The following DARS2 variants were observed in gnomAD, a reference collection of about 807,000 sequenced individuals.
DARS2 encodes aspartate--tRNA ligase, mitochondrial.
Under a neutral mutation model 83.0 loss-of-function variants are expected in DARS2, and 63 were observed. That is an observed-to-expected ratio of 0.76 (90% CI 0.62 to 0.94). The LOEUF (loss-of-function observed/expected upper bound fraction) is 0.94. Among genes scored for constraint, DARS2 ranks in the 40% least tolerant of loss-of-function variants. DARS2 has a pLI of 0.00. For missense variants in DARS2, 675 were observed against 774.4 expected (o/e 0.87, Z 1.52); for synonymous variants, 250 against 269.3 (o/e 0.93, Z 0.70).
intron 10 of DARS2, among the ~76,000 whole-genome samples, chr1:173,840,544 C>T (rs893196101): frequency 1.3e-5 from 2 of 152,164 alleles, no homozygotes; most frequent in Non-Finnish European, 2.9e-5. Context: ...GAATCTTAAT[C>T]TGGTTCTTAA....
intron 7 of DARS2, among the ~76,000 whole-genome samples, chr1:173,834,769 G>GTTT (rs1652934200): frequency 3.5e-4 from 18 of 50,938 alleles, no homozygotes; most frequent in African/African-American, 2.0e-3. Context: ...GTTTGTTTTG[G>GTTT]GTTTTTTTTT....
intron 6 of DARS2, among the ~76,000 whole-genome samples, chr1:173,833,881 T>C (rs1652884132): frequency 6.6e-6 from 1 of 151,904 alleles, no homozygotes; most frequent in African/African-American, 2.4e-5. Context: ...CACCACACCT[T>C]CCCAAGTAGC....
At chr1:173,850,722 C>A (rs1358602823) in intron 13 of DARS2, among the ~76,000 whole-genome samples, 1 of 151,662 alleles carries the variant, frequency 6.6e-6, no homozygotes, top group Non-Finnish European at 1.5e-5. Context: ...TCTCCTGCCT[C>A]AGCCTCCTGA....
At chr1:173,845,094 C>T (rs1571991403) in intron 11 of DARS2, 135 bp from the exon 12 acceptor site, 1 of 661,862 alleles carries the variant, frequency 1.5e-6, no homozygotes, top group South Asian at 1.7e-5. Flanking sequence ...CGCGCCCAGC[C>T]CAGACATTGA....
At chr1:173,851,211 T>G (rs1266009409) in intron 13 of DARS2, among the ~76,000 whole-genome samples, 6 of 143,152 alleles carry the variant, frequency 4.2e-5, no homozygotes, top group Non-Finnish European at 8.9e-5. Context: ...ATTGTGCCAC[T>G]GCACTCCAGC....
At chr1:173,844,995 T>C (rs1300839252) in intron 11 of DARS2, among the ~76,000 whole-genome samples, 1 of 151,876 alleles carries the variant, frequency 6.6e-6, no homozygotes, top group Non-Finnish European at 1.5e-5. Flanking sequence ...GGTTTCACCA[T>C]GTTGGTCGGG....
At chr1:173,832,469 C>G (rs1652826256) in intron 5 of DARS2, among the ~76,000 whole-genome samples, 1 of 152,020 alleles carries the variant, frequency 6.6e-6, no homozygotes, top group Admixed American at 6.6e-5. Flanking sequence ...AGATTTGTAG[C>G]CTTGAAAATA....
rs537585073 is a variant in DARS2 at position 173,842,038 on chromosome 1, G to C, written c.1128+1065G>C. On this transcript the variant is annotated intron_variant, in intron 11 of 16. Coordinates refer to ENST00000649689, the MANE Select transcript of DARS2 (RefSeq NM_018122.5). ...GGAGATGGAGCTAAAAAAGCAAAAA[G>C]GAAGGGGAAGAAGTGGGAGTAGAAG... Among the ~76,000 whole-genome samples, 3 of 152,196 alleles carry C rather than the reference G, an allele frequency of 2.0e-5. No individual in the cohort carries two copies. The East Asian group carries it at 5.8e-4, about 29-fold the overall frequency.
chr1:173,852,524 G>C (rs1423157071), intron 13 of DARS2, among the ~76,000 whole-genome samples: 1 of 150,852 alleles, frequency 6.6e-6, no homozygotes, highest in Non-Finnish European at 1.5e-5. Flanking sequence ...TTTTTTTTGA[G>C]ATGGTCTCAC....
chr1:173,847,818 C>T (rs974188511), intron 12 of DARS2, among the ~76,000 whole-genome samples: 7 of 149,300 alleles, frequency 4.7e-5, no homozygotes, highest in Admixed American at 2.7e-4. Flanking sequence ...TTACTCTGTA[C>T]CTTCTGCACA....
intron 13 of DARS2, chr1:173,851,895 C>A: frequency 1.0e-6 from 1 of 985,338 alleles, no homozygotes; most frequent in Non-Finnish European, 1.2e-6. Flanking sequence ...CCTTCCCCTA[C>A]AATAGTAAAA....
At position 173,828,381 on chromosome 1, in the gene DARS2, TATC is replaced by T; in HGVS notation, c.279_281del (p.Ile94del). 6.2e-7 allele frequency: 1 copy of T among 1,601,516 alleles called. No individual in the cohort carries two copies. The highest frequency in any genetic ancestry group is 1.7e-5 in the Admixed American group (1 of 59,556). ...GAGATTTCGATGGGCTTGTTCAAGT[TATC>T]ATTCCCCAGGATGAGGTAATAGAAA... On this transcript the variant is annotated inframe_deletion, in exon 3 of 17. Transcript: ENST00000649689.
At chr1:173,829,717 G>A (rs1295093207) in intron 3 of DARS2, among the ~76,000 whole-genome samples, 1 of 152,016 alleles carries the variant, frequency 6.6e-6, no homozygotes, top group African/African-American at 2.4e-5. Context: ...AGACCAGCCT[G>A]ACCAACATGG....
chr1:173,838,172 G>A lies in DARS2; in HGVS notation c.771-18G>A. 2 of 1,593,098 alleles carry A rather than the reference G, an allele frequency of 1.3e-6. No individual in the cohort carries two copies. Among genetic ancestry groups the A allele is most frequent in the Non-Finnish European group, 1.7e-6 (2 of 1,161,016 alleles). On this transcript the variant is annotated intron_variant, in intron 8 of 16. Coordinates refer to ENST00000649689, the MANE Select transcript of DARS2 (RefSeq NM_018122.5). ...TTCCTAGAATCATAACTCAATTAAT[G>A]CTATTTCTCAATTGTAGATATTTTC...
chr1:173,828,699 T>A (rs1652682929), intron 3 of DARS2, among the ~76,000 whole-genome samples: 1 of 152,206 alleles, frequency 6.6e-6, no homozygotes, highest in South Asian at 2.1e-4. Flanking sequence ...TGCATGTAAT[T>A]GTCATTTTTA....
chr1:173,827,672 T>C (rs929585929), intron 2 of DARS2, among the ~76,000 whole-genome samples: 2 of 152,112 alleles, frequency 1.3e-5, no homozygotes, highest in African/African-American at 4.8e-5. Flanking sequence ...TGGATATTTT[T>C]CCCATAAGTT....
chr1:173,827,030 T>C (rs553520882), intron 2 of DARS2, among the ~76,000 whole-genome samples: 12 of 152,260 alleles, frequency 7.9e-5, no homozygotes, highest in African/African-American at 2.6e-4. Flanking sequence ...TGTTGAAGGG[T>C]ATAACAACGA....
chr1:173,836,891 TTTTG>T (rs1653024114), intron 7 of DARS2, 45 bp from the exon 8 acceptor site: 1 of 1,533,826 alleles, frequency 6.5e-7, no homozygotes, highest in African/African-American at 1.4e-5. Flanking sequence ...TTGGGTTTGT[TTTTG>T]TTTTTTAATA....
At chr1:173,838,017 C>T (rs924999368) in intron 8 of DARS2, among the ~76,000 whole-genome samples, 173 bp from the exon 9 acceptor site, 6 of 152,194 alleles carry the variant, frequency 3.9e-5, no homozygotes, top group African/African-American at 1.4e-4. Context: ...TCATGATCTG[C>T]CCGCCTTGGC....
Sources: allele counts gnomAD v4.1 joint callset (sites outside exome capture counted in the v4.1 genomes callset), GRCh38; gene constraint gnomAD v4.1.1; transcripts MANE v1.5; gene names NCBI Gene and HGNC (gene_info 2026-07-23, HGNC 2026-07-21).